The following TM6SF2 variants were observed in gnomAD, a reference collection of about 807,000 sequenced individuals.
TM6SF2 encodes transmembrane 6 superfamily member 2.
Under a neutral mutation model 41.0 loss-of-function variants are expected in TM6SF2, and 29 were observed. The observed-to-expected ratio is 0.71, with a 90% confidence interval of 0.53 to 0.96. The LOEUF (loss-of-function observed/expected upper bound fraction) is 0.96, where lower values mean the gene tolerates loss of function less well. TM6SF2 is among the 50% of genes least tolerant of loss of function. The pLI is 0.00. For synonymous variants in TM6SF2, 200 were observed against 209.1 expected, an observed-to-expected ratio of 0.96 and a Z score of 0.37; for missense variants, 475 against 499.0, an observed-to-expected ratio of 0.95 and a Z score of 0.46.
At chr19:19,271,986 C>T (rs550374077) in intron 1 of TM6SF2, among the ~76,000 whole-genome samples, 3 of 152,330 alleles carry the variant, frequency 2.0e-5, no homozygotes, top group South Asian at 2.1e-4. Context: ...TTGTCTGACG[C>T]TCCCAGCTCC....
In TM6SF2 at chr19:19,272,728, T is replaced by TGTGAGA. The variant is rs1555786937; in HGVS notation, c.95+392_95+393insTCTCAC. On this transcript the variant is annotated intron_variant, in intron 1 of 9. Coordinates refer to ENST00000389363, the MANE Select transcript of TM6SF2 (RefSeq NM_001001524.3). ...GTGTGTGTGTGTGTGTGTGTGTGTG[T>TGTGAGA]GAGCAGGAGTCAGGTACCCGGGGCC... Among the ~76,000 whole-genome samples, 192 of 149,836 alleles carry TGTGAGA rather than the reference T, an allele frequency of 1.3e-3. 2 individuals are homozygous for TGTGAGA. The highest frequency in any genetic ancestry group is 4.4e-3 in the African/African-American group (177 of 40,436).
chr19:19,270,457 C>T lies in TM6SF2; in HGVS notation c.200-15G>A, dbSNP rs375759405. Reference sequence around the variant, plus strand: ...GACAGCGAAGACTGCAGTGAGTGGGCGGGCCGGGTCAGGTGTGGGAGGGGA... The same window carrying T: ...GACAGCGAAGACTGCAGTGAGTGGGTGGGCCGGGTCAGGTGTGGGAGGGGA... On this transcript the variant is annotated splice_polypyrimidine_tract_variant and intron_variant, in intron 2 of 9. Coordinates refer to ENST00000389363, the MANE Select transcript of TM6SF2 (RefSeq NM_001001524.3). The T allele has an allele frequency of 2.2e-3, 3,452 of 1,553,886 alleles. 10 individuals are homozygous for T. The highest frequency in any genetic ancestry group is 2.8e-3 in the Non-Finnish European group (3,231 of 1,148,434).
chr19:19,272,376 CTGA>C (rs1466854472), intron 1 of TM6SF2, among the ~76,000 whole-genome samples: 3 of 152,206 alleles, frequency 2.0e-5, no homozygotes, highest in African/African-American at 7.2e-5. Flanking sequence ...GCCCATTACA[CTGA>C]TGAGGGAACT....
At position 19,266,493 on chromosome 19, in the gene TM6SF2, G is replaced by A. The variant is rs779141868; in HGVS notation, c.921C>T (p.Gly307=). 1 of 1,613,886 alleles carries A rather than the reference G, an allele frequency of 6.2e-7. No homozygotes were observed. The change falls in exon 9 of 10, where the codon GGC becomes GGT. Residue 307 remains glycine, a synonymous_variant. Coordinates refer to ENST00000389363, the MANE Select transcript of TM6SF2 (RefSeq NM_001001524.3). Reference sequence around the variant, plus strand: ...ACCCACCCATCCGCCACCTCACCTGGCCGATGCCTCCAGCAAACACCAAGG... The same window carrying A: ...ACCCACCCATCCGCCACCTCACCTGACCGATGCCTCCAGCAAACACCAAGG... ...DWALVFAGGI[G]QAQFSHMGAS... is the part of the protein sequence containing the mutation.
In TM6SF2 at chr19:19,265,345, G is replaced by A. The variant is rs570112176; in HGVS notation, c.925-472C>T. 1.0e-4 allele frequency among the ~76,000 whole-genome samples: 15 copies of A among 149,536 alleles called. 1 individual carries two copies. The Admixed American group carries it at 1.0e-3, about 10-fold the overall frequency. The stretch of plus-strand genomic sequence containing the variant: ...TTACAGGCATAAGCCACCATGCCTG[G>A]CCTATTTTTAAAATTTCTATCTATC... On this transcript the variant is annotated intron_variant, in intron 9 of 9. Coordinates refer to ENST00000389363, the MANE Select transcript of TM6SF2 (RefSeq NM_001001524.3).
intron 8 of TM6SF2, 42 bp from the exon 9 acceptor site, chr19:19,266,651 G>A (rs1199677544): frequency 1.9e-6 from 3 of 1,580,072 alleles, no homozygotes; most frequent in South Asian, 1.1e-5. Context: ...TGTGAGATGA[G>A]CAGCTACCCC....
In TM6SF2 at chr19:19,267,437, G is replaced by A. The variant is rs182033618; in HGVS notation, c.804+184C>T. Among the ~76,000 whole-genome samples, 534 of 151,920 alleles carry A rather than the reference G, an allele frequency of 3.5e-3. 1 individual carries two copies. Among genetic ancestry groups the A allele is most frequent in the Non-Finnish European group, 5.5e-3 (371 of 67,954 alleles). On this transcript the variant is annotated intron_variant, in intron 8 of 9. Transcript: ENST00000389363. ...AAAGAAAAGAAAAGAAGAGCCCAGA[G>A]TCTGCACCTTGAGCACCTGGATCCA...
rs750715914 is a variant in TM6SF2, at chr19:19,271,041, GGA to G, written c.178_179del (p.Ser60LeufsTer2). 6.2e-7 allele frequency: 1 copy of G among 1,614,152 alleles called. No individual in the cohort carries two copies. The highest frequency in any genetic ancestry group is 1.1e-5 in the South Asian group (1 of 91,086). On this transcript the variant is annotated frameshift_variant, in exon 2 of 10. Transcript: ENST00000389363. LOFTEE classifies it high-confidence loss of function. Reference sequence around the variant, plus strand: ...ACTCACCAGCATAGAGTGGGTCATAGGAGACCTCGCCATGGGACAAGCTGTAG... The same window carrying G: ...ACTCACCAGCATAGAGTGGGTCATAGGACCTCGCCATGGGACAAGCTGTAG... ...AVYSLSHGEV[S>X]YDPLYAVFAV...
intron 6 of TM6SF2, 60 bp from the exon 7 acceptor site, chr19:19,268,147 G>A (rs2061010035): frequency 2.5e-6 from 3 of 1,197,290 alleles, no homozygotes; most frequent in East Asian, 4.8e-5. Context: ...TATTCAGTAG[G>A]TACTCAATAA....
intron 6 of TM6SF2, 123 bp from the exon 7 acceptor site, chr19:19,268,210 T>A (rs1447588065): frequency 5.3e-5 from 17 of 320,484 alleles, no homozygotes; most frequent in Non-Finnish European, 9.1e-5. Context: ...TCTTTTTTCT[T>A]TTTTTTTTTT....
intron 6 of TM6SF2, 42 bp downstream of exon 6, chr19:19,268,588 C>A: frequency 1.3e-6 from 2 of 1,527,538 alleles, no homozygotes; most frequent in Non-Finnish European, 1.7e-6. Flanking sequence ...GGGGAAAGTT[C>A]AGGCACATTG....
At chr19:19,271,907 C>A (rs1303541219) in intron 1 of TM6SF2, among the ~76,000 whole-genome samples, 2 of 152,328 alleles carry the variant, frequency 1.3e-5, no homozygotes, top group East Asian at 3.9e-4. Context: ...TCGACAACGT[C>A]AAGCCCCTCT....
rs2074304 is a variant in TM6SF2 at position 19,271,131 on chromosome 19, G to A, written c.96-6C>T. 6.2e-7 allele frequency: 1 copy of A among 1,613,238 alleles called. No homozygotes were observed. The highest frequency in any genetic ancestry group is 1.7e-5 in the Admixed American group (1 of 60,032). ...TCAATGCCACCCACAGGGGGCTGTG[G>A]AGAGGGAAGCCAAGTCAGGGAGGCC... is the stretch of plus-strand genomic sequence containing the variant. On this transcript the variant is annotated splice_region_variant and splice_polypyrimidine_tract_variant and intron_variant, in intron 1 of 9. Coordinates refer to ENST00000389363, the MANE Select transcript of TM6SF2 (RefSeq NM_001001524.3).
intron 9 of TM6SF2, 148 bp from the exon 10 acceptor site, chr19:19,265,021 C>T (rs1203735663): frequency 4.5e-6 from 2 of 447,234 alleles, no homozygotes; most frequent in Non-Finnish European, 7.8e-6. Context: ...TGTTTCCCAT[C>T]TCCAGTCCAT....
At chr19:19,271,548 CTTTT>C (rs963376639) in intron 1 of TM6SF2, among the ~76,000 whole-genome samples, 2 of 147,426 alleles carry the variant, frequency 1.4e-5, no homozygotes, top group South Asian at 2.2e-4. Context: ...CTCTCTCTTT[CTTTT>C]TGAGACAGAG....
intron 4 of TM6SF2, 30 bp from the exon 5 acceptor site, chr19:19,269,799 G>T: frequency 1.2e-6 from 2 of 1,613,772 alleles, no homozygotes; most frequent in East Asian, 2.2e-5. Context: ...GTGACCAGCA[G>T]GTAGTCACTC....
intron 4 of TM6SF2, 131 bp downstream of exon 4, chr19:19,270,041 CT>C: frequency 6.5e-7 from 1 of 1,533,050 alleles, no homozygotes; most frequent in Non-Finnish European, 8.8e-7. Flanking sequence ...CTGGCCACCC[CT>C]GGCTGGAGCC....
At chr19:19,266,049 C>G (rs989125004) in intron 9 of TM6SF2, among the ~76,000 whole-genome samples, 1 of 152,152 alleles carries the variant, frequency 6.6e-6, no homozygotes, top group African/African-American at 2.4e-5. Context: ...CCATCACCCT[C>G]AGTACAAGCC....
In TM6SF2 at chr19:19,266,371, G is replaced by A. The variant is rs911795177; in HGVS notation, c.924+119C>T. 3 of 1,418,220 alleles carry A rather than the reference G, an allele frequency of 2.1e-6. No homozygotes were observed. In the African/African-American group the frequency reaches 4.3e-5, roughly 20 times the overall value. The allele number at this position is 1,418,220 out of a possible 1,614,324, so 87.9% of individuals were successfully genotyped here. On this transcript the variant is annotated intron_variant, in intron 9 of 9. Coordinates refer to ENST00000389363, the MANE Select transcript of TM6SF2 (RefSeq NM_001001524.3). ...TAGGGAATCCTGGGATATTGGGCCT[G>A]GGGCTGGGGCCTCTTGGGGGCTCAT...
Sources: allele counts gnomAD v4.1 joint callset (sites outside exome capture counted in the v4.1 genomes callset), GRCh38; gene constraint gnomAD v4.1.1; transcripts MANE v1.5; gene names NCBI Gene and HGNC (gene_info 2026-07-23, HGNC 2026-07-21).